The following CDH5 variants were observed in gnomAD, a reference collection of about 807,000 sequenced individuals.
The protein encoded by CDH5 is cadherin 5.
Under a neutral mutation model 62.0 loss-of-function variants are expected in CDH5, and 28 were observed. The ratio of observed to expected loss-of-function variants is 0.45; its 90% CI spans 0.33 to 0.62. The LOEUF (loss-of-function observed/expected upper bound fraction) is 0.62, where lower values mean the gene tolerates loss of function less well. Among genes scored for constraint, CDH5 ranks in the 20% least tolerant of loss-of-function variants. CDH5 has a pLI of 0.02. For missense variants in CDH5, 940 were observed against 1,065.1 expected, an observed-to-expected ratio of 0.88 and a Z score of 1.63; for synonymous variants, 464 against 445.8, an observed-to-expected ratio of 1.04 and a Z score of -0.52.
At chr16:66,376,301 A>G (rs1321461665) in intron 1 of CDH5, 1 of 152,100 alleles carries the variant, frequency 6.6e-6, no homozygotes, top group Non-Finnish European at 1.5e-5. Flanking sequence ...ACCTTAGGGG[A>G]CCACATTCAT....
intron 3 of CDH5, 22 bp from the exon 4 acceptor site, chr16:66,388,301 AC>A (rs781446008): frequency 1.6e-5 from 24 of 1,515,030 alleles, no homozygotes; most frequent in Non-Finnish European, 2.2e-5. Flanking sequence ...CAAGTCAGCA[AC>A]CCCAGGATTC....
chr16:66,389,619 C>A, intron 5 of CDH5, 97 bp downstream of exon 5: 2 of 1,077,476 alleles, frequency 1.9e-6, no homozygotes, highest in Non-Finnish European at 1.3e-6. Flanking sequence ...CACTTTACCT[C>A]TCCCTCTATC....
intron 2 of CDH5, among the ~76,000 whole-genome samples, chr16:66,385,110 AT>A (rs1439846475): frequency 2.0e-5 from 3 of 152,152 alleles, no homozygotes; most frequent in Non-Finnish European, 4.4e-5. Flanking sequence ...ACCAAGTTAT[AT>A]TTTTTAATTG....
At chr16:66,373,747 G>T (rs146934496) in intron 1 of CDH5, among the ~76,000 whole-genome samples, 23 of 152,218 alleles carry the variant, frequency 1.5e-4, no homozygotes, top group African/African-American at 5.1e-4. Context: ...AGATGGGAAG[G>T]TCCCACAGGT....
chr16:66,367,102 G>A (rs535835826), intron 1 of CDH5, among the ~76,000 whole-genome samples: 6 of 152,328 alleles, frequency 3.9e-5, no homozygotes, highest in East Asian at 3.9e-4. Flanking sequence ...CCAGCATGCC[G>A]GGGCAGAGGA....
At chr16:66,402,154 G>A (rs1263822698) in intron 11 of CDH5, among the ~76,000 whole-genome samples, 1 of 151,954 alleles carries the variant, frequency 6.6e-6, no homozygotes, top group Non-Finnish European at 1.5e-5. Flanking sequence ...GGGGGGCAGG[G>A]CTGCCTTCCA....
At chr16:66,372,408 G>A (rs895912071) in intron 1 of CDH5, among the ~76,000 whole-genome samples, 4 of 152,242 alleles carry the variant, frequency 2.6e-5, no homozygotes, top group African/African-American at 9.6e-5. Flanking sequence ...AGGCAGAGGA[G>A]AGAGGACAGC....
At chr16:66,378,493 A>G (rs1188208925) in intron 1 of CDH5, among the ~76,000 whole-genome samples, 1 of 152,236 alleles carries the variant, frequency 6.6e-6, no homozygotes, top group Non-Finnish European at 1.5e-5. Context: ...CAGGCAAAAA[A>G]TAAATGCTTG....
At chr16:66,373,680 G>T (rs925189878) in intron 1 of CDH5, among the ~76,000 whole-genome samples, 15 of 152,146 alleles carry the variant, frequency 9.9e-5, no homozygotes, top group Admixed American at 7.2e-4. Flanking sequence ...GTTTCCCAAA[G>T]TTAGTGGCCA....
chr16:66,389,552 G>A, intron 5 of CDH5, 30 bp downstream of exon 5: 7 of 1,519,966 alleles, frequency 4.6e-6, no homozygotes, highest in Non-Finnish European at 5.3e-6. Context: ...CCCTGGGAAG[G>A]GGGGCTGGGA....
intron 2 of CDH5, among the ~76,000 whole-genome samples, chr16:66,380,803 G>A (rs1960885068): frequency 6.6e-6 from 1 of 151,876 alleles, no homozygotes; most frequent in African/African-American, 2.4e-5. Context: ...TGGTGGTAAT[G>A]GTGAAGGATA....
chr16:66,398,647 G>A (rs542262590), intron 10 of CDH5, 86 bp downstream of exon 10: 9 of 720,432 alleles, frequency 1.2e-5, no homozygotes, highest in Admixed American at 2.0e-5. Flanking sequence ...CAGGAAGATC[G>A]CTTGAGCCCA....
In CDH5 at chr16:66,398,101, G is replaced by A. The variant is rs1961218605; in HGVS notation, c.1480G>A (p.Gly494Ser). Residue 494 changes from glycine to serine, a missense_variant, in exon 9 of 12, where the codon GGC (glycine) becomes AGC (serine). Physicochemically the swap from Gly to Ser is moderately conservative, Grantham distance 56. Coordinates refer to ENST00000341529, the MANE Select transcript of CDH5 (RefSeq NM_001795.5). ...QPKVCENAVHGQLVLQISAID... is the reference protein window; with the variant it reads ...QPKVCENAVHSQLVLQISAID... The stretch of plus-strand genomic sequence containing the variant: ...CAAAGTGTGTGAGAACGCTGTCCAT[G>A]GCCAGGTGAGTCTGGTTCAGGTGGG... 3 of 1,614,236 alleles carry A rather than the reference G, an allele frequency of 1.9e-6. No individual in the cohort carries two copies. The highest frequency in any genetic ancestry group is 2.5e-6 in the Non-Finnish European group (3 of 1,180,042).
At chr16:66,395,852 T>C in intron 7 of CDH5, 1 of 496,220 alleles carries the variant, frequency 2.0e-6, no homozygotes, top group Non-Finnish European at 3.5e-6. Context: ...GATGGCAATG[T>C]AACTAAGATC....
chr16:66,395,627 C>G (rs971406798), intron 7 of CDH5: 2 of 150,142 alleles, frequency 1.3e-5, no homozygotes, highest in African/African-American at 4.9e-5. Flanking sequence ...TAGATTTTTC[C>G]TGATTTCTGA....
At chr16:66,373,535 C>T (rs1015430473) in intron 1 of CDH5, among the ~76,000 whole-genome samples, 3 of 152,046 alleles carry the variant, frequency 2.0e-5, no homozygotes, top group Non-Finnish European at 4.4e-5. Context: ...CGTGCCTCAG[C>T]CTCCCGAGTA....
intron 5 of CDH5, among the ~76,000 whole-genome samples, 168 bp from the exon 6 acceptor site, chr16:66,390,235 C>G (rs2142330397): frequency 6.6e-6 from 1 of 152,324 alleles, no homozygotes; most frequent in South Asian, 2.1e-4. Context: ...GATGGACATA[C>G]AGATAGGGAA....
Position 66,403,059 on chromosome 16 carries a change from G to A in CDH5, c.2245G>A (p.Asp749Asn), listed in dbSNP as rs754669269. ...IAESLSSLGT[D>N]SSDSDVDYDF... ...CGAGTCCCTCAGCTCCCTGGGCACC[G>A]ACTCATCCGACTCTGACGTGGATTA... Residue 749 changes from aspartate to asparagine, a missense_variant, in exon 12 of 12, where the codon GAC becomes AAC. By Grantham distance (23) the Asp-to-Asn change is conservative. Transcript: ENST00000341529. The surrounding 1 kb of genome is among the most constrained non-coding windows in gnomAD (Gnocchi z 4.3). 6.8e-6 allele frequency: 11 copies of A among 1,613,520 alleles called. 1 individual carries two copies. Among genetic ancestry groups the A allele is most frequent in the Middle Eastern group, 1.6e-4 (1 of 6,062 alleles).
chr16:66,401,003 C>T lies in CDH5; in HGVS notation c.1824C>T (p.Ile608=). ...IQAVVAILLC[I]LTITVITLLI... ...CAGTGGTAGCCATCTTACTCTGCAT[C>T]CTCACCATCACAGGTCAGTGCTGGG... Residue 608 remains isoleucine (I), a synonymous_variant, in exon 11 of 12, where the codon ATC becomes ATT. Transcript: ENST00000341529. The T allele has an allele frequency of 6.2e-7, 1 of 1,614,044 alleles. No homozygotes were observed. The highest frequency in any genetic ancestry group is 2.2e-5 in the East Asian group (1 of 44,894).
Sources: gnomAD v4.1 joint callset for allele counts (sites outside exome capture counted in the v4.1 genomes callset) on GRCh38, gnomAD v4.1.1 for gene constraint, Gnocchi (gnomAD v3.1) non-coding constraint, MANE v1.5 for transcripts, NCBI Gene and HGNC (gene_info 2026-07-23, HGNC 2026-07-21) for gene names.